The following PHLPP1 variants were observed in gnomAD, a reference collection of about 807,000 sequenced individuals.
The protein encoded by PHLPP1 is PH domain and leucine rich repeat protein phosphatase 1.
A neutral mutation model predicts 117.2 loss-of-function variants in PHLPP1; 42 were observed. That is an observed-to-expected ratio of 0.36 (90% CI 0.28 to 0.46). The LOEUF is 0.46. PHLPP1 is among the 20% of genes least tolerant of loss of function. PHLPP1 has a pLI of 1.00. For missense variants in PHLPP1, 2,084 were observed against 2,241.9 expected, an observed-to-expected ratio of 0.93 and a Z score of 1.42; for synonymous variants, 1,042 against 970.7, an observed-to-expected ratio of 1.07 and a Z score of -1.37.
At chr18:62,901,087 T>C (rs73468184) in intron 6 of PHLPP1, among the ~76,000 whole-genome samples, 3,130 of 152,276 alleles carry the variant, frequency 0.021, 105 homozygotes, top group African/African-American at 0.071. Context: ...TTATAGATTT[T>C]TTTGTCTCCT....
At chr18:62,838,552 A>T (rs1431748431) in intron 2 of PHLPP1, 1 of 411,266 alleles carries the variant, frequency 2.4e-6, no homozygotes, top group Non-Finnish European at 4.3e-6. Flanking sequence ...CAGAAAGAGG[A>T]GAATTTCACT....
intron 1 of PHLPP1, among the ~76,000 whole-genome samples, chr18:62,721,704 G>GTAAT (rs1260558416): frequency 6.6e-6 from 1 of 152,060 alleles, no homozygotes; most frequent in African/African-American, 2.4e-5. Context: ...ACTCATTGAA[G>GTAAT]TAATTGTAGG....
At position 62,895,647 on chromosome 18, in the gene PHLPP1, C is replaced by T. The variant is rs1916540334; in HGVS notation, c.2214-134C>T. ...CTCTTTGGTCCATTATTGCCTCAGG[C>T]CCTGCCCTTAGGCATTTTGCGAAGA... On this transcript the variant is annotated intron_variant, in intron 5 of 16. Coordinates refer to ENST00000262719, the MANE Select transcript of PHLPP1 (RefSeq NM_194449.4). The T allele has an allele frequency of 1.1e-5, 7 of 629,574 alleles. No individual in the cohort carries two copies. The South Asian group carries it at 1.2e-4, about 11-fold the overall frequency. The allele number at this position is 629,574 out of a possible 1,614,324, so 39.0% of individuals were successfully genotyped here. A position where few individuals can be genotyped will look rare whatever the true frequency, so the allele number is the denominator to read the frequency against.
At chr18:62,865,013 G>A (rs1915734914) in intron 4 of PHLPP1, among the ~76,000 whole-genome samples, 1 of 152,134 alleles carries the variant, frequency 6.6e-6, no homozygotes, top group African/African-American at 2.4e-5. Context: ...GGTTTTATAT[G>A]CTCTATGTAT....
chr18:62,952,574 C>A (rs1163486931), intron 12 of PHLPP1, among the ~76,000 whole-genome samples: 1 of 152,058 alleles, frequency 6.6e-6, no homozygotes, highest in African/African-American at 2.4e-5. Flanking sequence ...TTTGCAGCTC[C>A]CTATAAGGTG....
intron 3 of PHLPP1, among the ~76,000 whole-genome samples, chr18:62,846,545 T>TG (rs1915188165): frequency 1.3e-5 from 2 of 150,188 alleles, no homozygotes; most frequent in Admixed American, 1.3e-4. Context: ...CTGAGAAGTG[T>TG]GAAAAAAAAA....
intron 1 of PHLPP1, among the ~76,000 whole-genome samples, chr18:62,819,979 A>G (rs1219680430): frequency 6.6e-6 from 1 of 152,204 alleles, no homozygotes; most frequent in Non-Finnish European, 1.5e-5. Context: ...AAGACCATAT[A>G]GGTTCAAAGT....
At chr18:62,967,474 A>G (rs1910935103) in intron 14 of PHLPP1, among the ~76,000 whole-genome samples, 3 of 151,816 alleles carry the variant, frequency 2.0e-5, no homozygotes, top group Admixed American at 2.0e-4. Flanking sequence ...TTTAATTTGC[A>G]TTTCCCTACT....
At chr18:62,913,095 T>C (rs1472878012) in intron 8 of PHLPP1, among the ~76,000 whole-genome samples, 1 of 152,196 alleles carries the variant, frequency 6.6e-6, no homozygotes, top group African/African-American at 2.4e-5. Flanking sequence ...GCCACTCTCA[T>C]GCCCAGAATC....
rs1281835763 is a variant in PHLPP1, at chr18:62,746,735, C to T, written c.1576+29476C>T. Among the ~76,000 whole-genome samples the T allele has an allele frequency of 7.3e-5, 11 of 150,302 alleles. No individual in the cohort carries two copies. In the East Asian group the frequency reaches 7.8e-4, roughly 11 times the overall value. ...GTACAACTTTTGATCCACAACCTGG[C>T]GCGTGTGTTGTGAGATTTATTCCTA... On this transcript the variant is annotated intron_variant, in intron 1 of 16. Transcript: ENST00000262719.
At chr18:62,766,076 A>AATATATATATAT (rs60058262) in intron 1 of PHLPP1, among the ~76,000 whole-genome samples, 17 of 21,652 alleles carry the variant, frequency 7.9e-4, no homozygotes, top group South Asian at 2.3e-3. Context: ...AAAAAAAAAA[A>AATATATATATAT]ATATATATAT....
At chr18:62,942,407 A>C (rs1278561738) in intron 11 of PHLPP1, among the ~76,000 whole-genome samples, 1 of 152,178 alleles carries the variant, frequency 6.6e-6, no homozygotes, top group Non-Finnish European at 1.5e-5. Context: ...CTAATAGGGT[A>C]TGTGGGAATT....
chr18:62,976,920 G>C (rs1911203760), intron 16 of PHLPP1, among the ~76,000 whole-genome samples: 1 of 152,188 alleles, frequency 6.6e-6, no homozygotes, highest in Non-Finnish European at 1.5e-5. Flanking sequence ...CTGACACTTT[G>C]ATGAATTAGC....
In PHLPP1 at chr18:62,895,056, G is replaced by A. The variant is rs1374063121; in HGVS notation, c.2112G>A (p.Gly704=). The change falls in exon 5 of 17, where the codon GGG becomes GGA. Residue 704 remains glycine, a synonymous_variant. Coordinates refer to ENST00000262719, the MANE Select transcript of PHLPP1 (RefSeq NM_194449.4). ...TTAACCTTTCCAATAATCATTTAGG[G>A]GACTTCCCACTGGCAGTCTGCAGTA... ...KSLNLSNNHL[G]DFPLAVCSIP... is the part of the protein sequence containing the mutation. The A allele has an allele frequency of 6.2e-7, 1 of 1,612,658 alleles. No homozygotes were observed. Among genetic ancestry groups the A allele is most frequent in the Non-Finnish European group, 8.5e-7 (1 of 1,178,942 alleles).
At chr18:62,935,470 A>G (rs1330416142) in intron 10 of PHLPP1, among the ~76,000 whole-genome samples, 1 of 152,230 alleles carries the variant, frequency 6.6e-6, no homozygotes, top group Non-Finnish European at 1.5e-5. Context: ...ATTTAACACA[A>G]TCATCATGTA....
intron 6 of PHLPP1, among the ~76,000 whole-genome samples, chr18:62,897,656 G>A (rs906908126): frequency 6.6e-6 from 1 of 151,966 alleles, no homozygotes; most frequent in Non-Finnish European, 1.5e-5. Context: ...ACAAGTGCCC[G>A]CCACCACACC....
At chr18:62,937,116 C>G (rs898011651) in intron 10 of PHLPP1, among the ~76,000 whole-genome samples, 2 of 152,150 alleles carry the variant, frequency 1.3e-5, no homozygotes, top group Non-Finnish European at 2.9e-5. Flanking sequence ...TGCCCTGTTT[C>G]TAAGAGAATT....
Position 62,715,759 on chromosome 18 carries a change from GCCGC to G in PHLPP1, c.78_81del (p.Ala27LeufsTer28). 8 of 1,084,776 alleles carry G rather than the reference GCCGC, an allele frequency of 7.4e-6. No individual in the cohort carries two copies. The highest frequency in any genetic ancestry group is 4.3e-5 in the South Asian group (1 of 23,426). 67.2% of individuals were successfully genotyped at this position (1,084,776 alleles called of 1,614,324 possible). ...GGAGGACCGAGCTTCGGCTCCGGCG[GCCGC>G]CGCTGCGGCAGCAGCAGCAGCAGCG... On this transcript the variant is annotated frameshift_variant, in exon 1 of 17. Transcript: ENST00000262719. LOFTEE classifies it high-confidence loss of function.
intron 1 of PHLPP1, among the ~76,000 whole-genome samples, chr18:62,771,875 A>C (rs1027036684): frequency 1.3e-5 from 2 of 152,244 alleles, no homozygotes; most frequent in African/African-American, 4.8e-5. Context: ...CTTCTTCTGC[A>C]GTGTTAACAA....
Sources: gnomAD v4.1 joint callset for allele counts (sites outside exome capture counted in the v4.1 genomes callset) on GRCh38, gnomAD v4.1.1 for gene constraint, MANE v1.5 for transcripts, NCBI Gene and HGNC (gene_info 2026-07-23, HGNC 2026-07-21) for gene names.